The following MYOM3 variants were observed in gnomAD, a reference collection of about 807,000 sequenced individuals.
The protein encoded by MYOM3 is myomesin 3.
Under a neutral mutation model 191.7 loss-of-function variants are expected in MYOM3, and 155 were observed. That is an observed-to-expected ratio of 0.81 (90% CI 0.71 to 0.92). The LOEUF is 0.92. MYOM3 is among the 40% of genes least tolerant of loss of function. The probability of loss-of-function intolerance (pLI) is 0.00; values close to 1 mark genes in which losing one functional copy is unlikely to be tolerated. For missense variants in MYOM3, 1,889 were observed against 1,890.6 expected, an observed-to-expected ratio of 1.00 and a Z score of 0.02; for synonymous variants, 757 against 762.9, an observed-to-expected ratio of 0.99 and a Z score of 0.13.
In MYOM3 at chr1:24,071,211, C is replaced by G; in HGVS notation, c.3056G>C (p.Arg1019Pro). The change falls in exon 25 of 37, where the codon CGA becomes CCA. Residue 1019 changes from arginine (R) to proline (P), a missense_variant. By Grantham distance (103) the Arg-to-Pro change is moderately radical. Coordinates refer to ENST00000374434, the MANE Select transcript of MYOM3 (RefSeq NM_152372.4). ...TTCCAGCCAAAGCCGCACCTCCCCT[C>G]GCTCCAGGATGTCAATGTTCCAGCC... ...ISGWNIDILE[R>P]GEVRLWLEVE... The G allele has an allele frequency of 1.9e-6, 3 of 1,613,958 alleles. No individual in the cohort carries two copies. Among genetic ancestry groups the G allele is most frequent in the Non-Finnish European group, 1.7e-6 (2 of 1,179,952 alleles).
At chr1:24,090,715 G>A (rs1643808015) in intron 12 of MYOM3, 82 bp downstream of exon 12, 2 of 1,408,564 alleles carry the variant, frequency 1.4e-6, no homozygotes, top group Non-Finnish European at 9.9e-7. Context: ...GCTCCTGAGG[G>A]CTGGATTGTC....
intron 17 of MYOM3, 195 bp from the exon 18 acceptor site, chr1:24,082,383 C>A: frequency 1.1e-6 from 1 of 876,814 alleles, no homozygotes. Flanking sequence ...CTTCCCCACC[C>A]CCCAGAGCTG....
intron 28 of MYOM3, chr1:24,066,504 G>C (rs1030333098): frequency 2.0e-5 from 10 of 503,924 alleles, no homozygotes; most frequent in African/African-American, 1.9e-4. Flanking sequence ...TAAACAGGCT[G>C]AAGAGTGCTA....
intron 27 of MYOM3, 26 bp from the exon 28 acceptor site, chr1:24,067,114 A>T (rs1450855597): frequency 6.4e-7 from 1 of 1,559,836 alleles, no homozygotes; most frequent in East Asian, 2.4e-5. Flanking sequence ...AAATGTGCCC[A>T]CTGTCAGAGA....
chr1:24,067,174 G>T, intron 27 of MYOM3, 86 bp from the exon 28 acceptor site: 1 of 1,349,228 alleles, frequency 7.4e-7, no homozygotes, highest in Non-Finnish European at 1.0e-6. Context: ...CTGGGGGGAG[G>T]GACAGCTAAT....
chr1:24,068,459 G>T, intron 25 of MYOM3, 92 bp from the exon 26 acceptor site: 1 of 1,479,426 alleles, frequency 6.8e-7, no homozygotes, highest in Non-Finnish European at 9.3e-7. Context: ...GGGGTGGTAA[G>T]CACAGAGCTG....
intron 7 of MYOM3, among the ~76,000 whole-genome samples, chr1:24,097,314 C>T (rs1048235481): frequency 2.6e-5 from 4 of 152,140 alleles, no homozygotes; most frequent in South Asian, 2.1e-4. Flanking sequence ...TTTGGCATGG[C>T]GGGCAGGTGG....
intron 20 of MYOM3, among the ~76,000 whole-genome samples, chr1:24,077,230 C>T (rs559648477): frequency 5.2e-4 from 79 of 152,330 alleles, no homozygotes; most frequent in African/African-American, 1.8e-3. Flanking sequence ...TCCTAAAGGG[C>T]GTTTCTGCCC....
Position 24,089,544 on chromosome 1 carries a change from C to T in MYOM3, c.1608G>A (p.Leu536=), listed in dbSNP as rs760220327. Residue 536 remains leucine, a synonymous_variant, in exon 14 of 37, where the codon CTG becomes CTA. Transcript: ENST00000374434. ...PRDRAPLTYS[L]EKSVIGSGTW... is the part of the protein sequence containing the mutation. Reference sequence around the variant, plus strand: ...GGGCCTCGGGGTTCCCTACCTTCTCCAGGGAGTACGTCAGTGGTGCTCTGT... The same window carrying T: ...GGGCCTCGGGGTTCCCTACCTTCTCTAGGGAGTACGTCAGTGGTGCTCTGT... 3 of 1,600,542 alleles carry T rather than the reference C, an allele frequency of 1.9e-6. No homozygotes were observed. Among genetic ancestry groups the T allele is most frequent in the African/African-American group, 1.3e-5 (1 of 74,564 alleles).
At chr1:24,105,393 C>T (rs896366343) in intron 5 of MYOM3, among the ~76,000 whole-genome samples, 4 of 152,232 alleles carry the variant, frequency 2.6e-5, no homozygotes. Context: ...TCTCCGTAGG[C>T]CCTTCCCTTC....
chr1:24,107,116 C>A lies in MYOM3; in HGVS notation c.359G>T (p.Arg120Leu), dbSNP rs375182570. ...RTEIAFLQTH[R>L]LLRQRRDWKT... ...CCAGTCCCGCCTCTGGCGCAGCAGCCGGTGGGTCTGCAGGAAGGCGATCTC... is the reference window on the plus strand; with the variant it reads ...CCAGTCCCGCCTCTGGCGCAGCAGCAGGTGGGTCTGCAGGAAGGCGATCTC... The change falls in exon 4 of 37, where the codon CGG becomes CTG. Residue 120 changes from arginine (R) to leucine (L), a missense_variant. Coordinates refer to ENST00000374434, the MANE Select transcript of MYOM3 (RefSeq NM_152372.4). The A allele has an allele frequency of 1.2e-6, 2 of 1,612,466 alleles. No homozygotes were observed. The highest frequency in any genetic ancestry group is 1.3e-5 in the African/African-American group (1 of 75,018).
chr1:24,091,296 G>A (rs72648551), intron 11 of MYOM3, among the ~76,000 whole-genome samples: 90 of 152,278 alleles, frequency 5.9e-4, no homozygotes, highest in Non-Finnish European at 6.9e-4. Context: ...TAGGGGGCAC[G>A]TGTGGTCACC....
chr1:24,094,874 T>C lies in MYOM3; in HGVS notation c.907A>G (p.Ser303Gly), dbSNP rs1253491895. ...TTACCATCTCGGAACCACTGGATGC[T>C]CTCAGCATCTAACACATCTTCCGAA... is the stretch of plus-strand genomic sequence containing the variant. ...LFSEDVLDAE[S>G]IQWFRDGSLL... Residue 303 changes from serine to glycine, a missense_variant, in exon 9 of 37, where the codon AGC becomes GGC. Transcript: ENST00000374434. The C allele has an allele frequency of 1.2e-6, 2 of 1,613,596 alleles. No individual in the cohort carries two copies. The highest frequency in any genetic ancestry group is 1.3e-5 in the African/African-American group (1 of 75,010).
intron 22 of MYOM3, among the ~76,000 whole-genome samples, chr1:24,074,554 G>A (rs1487408270): frequency 8.5e-5 from 13 of 152,194 alleles, no homozygotes; most frequent in Non-Finnish European, 1.9e-4. Context: ...ATGCCTTCTG[G>A]ACAGAGCTGA....
intron 29 of MYOM3, among the ~76,000 whole-genome samples, chr1:24,065,505 G>A (rs11249088): frequency 0.052 from 7,989 of 152,194 alleles, 598 homozygotes; most frequent in African/African-American, 0.16. Flanking sequence ...GGAAGGAGGC[G>A]TTGAAAGAGC....
rs1407915306 is a variant in MYOM3, at chr1:24,101,432, C to G, written c.561-1657G>C. Reference sequence around the variant, plus strand: ...GACCCTAGGATCAGTATATTGATACCCTGGGATCAGTATTTTGAAAATCCC... The same window carrying G: ...GACCCTAGGATCAGTATATTGATACGCTGGGATCAGTATTTTGAAAATCCC... On this transcript the variant is annotated intron_variant, in intron 5 of 36. Coordinates refer to ENST00000374434, the MANE Select transcript of MYOM3 (RefSeq NM_152372.4). Among the ~76,000 whole-genome samples, 7 of 152,196 alleles carry G rather than the reference C, an allele frequency of 4.6e-5. No homozygotes were observed. In the East Asian group the frequency reaches 9.7e-4, roughly 21 times the overall value.
intron 14 of MYOM3, among the ~76,000 whole-genome samples, chr1:24,088,280 C>T (rs1643772055): frequency 6.6e-6 from 1 of 152,136 alleles, no homozygotes; most frequent in African/African-American, 2.4e-5. Context: ...GTGGCCTAGA[C>T]CAGGTAGGAC....
At position 24,084,302 on chromosome 1, in the gene MYOM3, C is replaced by T. The variant is rs888236305; in HGVS notation, c.1970+166G>A. 4.3e-6 allele frequency: 3 copies of T among 691,748 alleles called. No homozygotes were observed. In the African/African-American group the frequency reaches 5.4e-5, roughly 12 times the overall value. 42.9% of individuals were successfully genotyped at this position (691,748 alleles called of 1,614,324 possible). ...GACATGCTTCCTTCCCCCTCGCCTT[C>T]CGCCATAATCATAAGTTTCCTGAGG... On this transcript the variant is annotated intron_variant, in intron 16 of 36. Coordinates refer to ENST00000374434, the MANE Select transcript of MYOM3 (RefSeq NM_152372.4).
At chr1:24,089,485 C>T in intron 14 of MYOM3, 53 bp downstream of exon 14, 2 of 1,547,250 alleles carry the variant, frequency 1.3e-6, no homozygotes, top group East Asian at 4.6e-5. Flanking sequence ...CAGGGTCCCA[C>T]AGCACATCTG....
Sources: gnomAD v4.1 joint callset for allele counts (sites outside exome capture counted in the v4.1 genomes callset) on GRCh38, gnomAD v4.1.1 for gene constraint, MANE v1.5 for transcripts, NCBI Gene and HGNC (gene_info 2026-07-23, HGNC 2026-07-21) for gene names.